The following TNRC6B variants were observed in gnomAD, a reference collection of about 807,000 sequenced individuals.
TNRC6B encodes the protein trinucleotide repeat containing adaptor 6B, also known as trinucleotide repeat-containing gene 6B protein.
TNRC6B carries 52 observed loss-of-function variants against 203.6 expected under a neutral mutation model. That is an observed-to-expected ratio of 0.26 (90% CI 0.20 to 0.32). The LOEUF is 0.32. Ranked by LOEUF, TNRC6B falls within the 10% of genes least tolerant of loss-of-function variation. TNRC6B has a pLI of 1.00. For synonymous variants in TNRC6B, 838 were observed against 845.7 expected (o/e 0.99, Z 0.16); for missense variants, 1,923 against 2,286.2 (o/e 0.84, Z 3.24).
intron 3 of TNRC6B, among the ~76,000 whole-genome samples, chr22:40,152,345 TG>T (rs2068765716): frequency 6.6e-6 from 1 of 152,210 alleles, no homozygotes; most frequent in Non-Finnish European, 1.5e-5. Context: ...TTTTTGTTTT[TG>T]TGATGGAGTC....
chr22:40,296,490 C>T (rs1057124256), intron 12 of TNRC6B, among the ~76,000 whole-genome samples: 1 of 151,976 alleles, frequency 6.6e-6, no homozygotes. Context: ...CGCCATCACT[C>T]CCGGCTAATT....
At chr22:40,215,823 C>T (rs1001004675) in intron 1 of TNRC6B, among the ~76,000 whole-genome samples, 1 of 152,174 alleles carries the variant, frequency 6.6e-6, no homozygotes, top group Non-Finnish European at 1.5e-5. Flanking sequence ...ATGTGGACCT[C>T]GACTAATACC....
chr22:40,316,003 C>G lies in TNRC6B; in HGVS notation c.4965C>G (p.Leu1655=). The change falls in exon 21 of 23, where the codon CTC becomes CTG. Residue 1655 remains leucine, a synonymous_variant. Transcript: ENST00000454349. Reference sequence around the variant, plus strand: ...GTTACTGGCTGGTTCTTCACAATCTCACCCCACAGGTAATTATGCTTTCTC... The same window carrying G: ...GTTACTGGCTGGTTCTTCACAATCTGACCCCACAGGTAATTATGCTTTCTC... ...RPSYWLVLHN[L]TPQIDGSTLR... The G allele has an allele frequency of 1.2e-6, 2 of 1,613,628 alleles. No homozygotes were observed. The highest frequency in any genetic ancestry group is 1.7e-6 in the Non-Finnish European group (2 of 1,179,636).
intron 1 of TNRC6B, among the ~76,000 whole-genome samples, chr22:40,211,924 C>T (rs1470952176): frequency 1.3e-5 from 2 of 152,320 alleles, no homozygotes; most frequent in Non-Finnish European, 2.9e-5. Context: ...TTCCTAACTC[C>T]TCTTTCCTTT....
intron 1 of TNRC6B, among the ~76,000 whole-genome samples, chr22:40,077,217 G>A (rs1363674166): frequency 6.6e-6 from 1 of 151,918 alleles, no homozygotes; most frequent in Admixed American, 6.6e-5. Flanking sequence ...TGATTATTTC[G>A]CTCACGGTAG....
At chr22:40,300,820 C>G in intron 13 of TNRC6B, 90 bp from the exon 14 acceptor site, 2 of 1,317,582 alleles carry the variant, frequency 1.5e-6, no homozygotes, top group African/African-American at 1.5e-5. Flanking sequence ...GATTGTGTGA[C>G]CTGTACTTCA....
chr22:40,235,638 A>G (rs919844452), intron 1 of TNRC6B, among the ~76,000 whole-genome samples: 1 of 152,212 alleles, frequency 6.6e-6, no homozygotes, highest in Non-Finnish European at 1.5e-5. Context: ...CTCAGTGACT[A>G]GTACACCACT....
chr22:40,301,580 T>C (rs1050593721), intron 15 of TNRC6B: 630 of 492,568 alleles, frequency 1.3e-3, no homozygotes, highest in South Asian at 2.1e-3. Flanking sequence ...CAGTCTTCCT[T>C]TTTTTTGTGT....
intron 1 of TNRC6B, among the ~76,000 whole-genome samples, chr22:40,218,832 G>T (rs544935072): frequency 6.6e-6 from 1 of 152,290 alleles, no homozygotes; most frequent in Admixed American, 6.5e-5. Flanking sequence ...AGAGGAGATG[G>T]GGATAAAAGT....
chr22:40,189,741 G>T (rs2069248591), intron 1 of TNRC6B, among the ~76,000 whole-genome samples: 1 of 152,104 alleles, frequency 6.6e-6, no homozygotes, highest in South Asian at 2.1e-4. Flanking sequence ...CTGGAATTGA[G>T]TGTTTCCCAG....
intron 4 of TNRC6B, chr22:40,156,277 C>T (rs1040041430): frequency 1.4e-5 from 18 of 1,261,480 alleles, no homozygotes; most frequent in Non-Finnish European, 1.9e-5. Flanking sequence ...GAGATGTATA[C>T]GTTGGAGACA....
At chr22:40,161,887 C>T (rs531366903) in intron 4 of TNRC6B, among the ~76,000 whole-genome samples, 11 of 152,226 alleles carry the variant, frequency 7.2e-5, no homozygotes, top group Admixed American at 1.3e-4. Flanking sequence ...AATTGCATGA[C>T]GTGTTTACTG....
chr22:40,235,071 C>T (rs550294088), intron 1 of TNRC6B, among the ~76,000 whole-genome samples: 5 of 152,160 alleles, frequency 3.3e-5, no homozygotes, highest in South Asian at 2.1e-4. Context: ...CCCAAATTTG[C>T]GTGTGGTGTC....
rs370861270 is a variant in TNRC6B at position 40,179,950 on chromosome 22, TTGTTA to T, written c.5+1816_5+1820del. ...ATTTTATTATTTTAAAAAATTAATG[TTGTTA>T]TGTTAGTAATGGTAATAAATACAGA... On this transcript the variant is annotated intron_variant, in intron 1 of 22. Coordinates refer to ENST00000454349, the MANE Select transcript of TNRC6B (RefSeq NM_001162501.2). Among the ~76,000 whole-genome samples, 689 of 152,332 alleles carry T rather than the reference TTGTTA, an allele frequency of 4.5e-3. 6 individuals are homozygous for T. The highest frequency in any genetic ancestry group is 0.015 in the African/African-American group (628 of 41,568).
Position 40,057,686 on chromosome 22 carries a change from G to A in TNRC6B, c.-121+12688G>A, listed in dbSNP as rs527263301. 1.4e-4 allele frequency among the ~76,000 whole-genome samples: 22 copies of A among 152,202 alleles called. 1 individual carries two copies. The South Asian group carries it at 4.6e-3, about 32-fold the overall frequency. ...GGAAGTGGACCAGGCTTTCTAACCT[G>A]GAGACCCCCTGGTCAGCATATCAAG... On this transcript the variant is annotated intron_variant, in intron 1 of 23. Transcript: ENST00000301923.
At chr22:40,164,839 A>G (rs2068904940) in intron 4 of TNRC6B, among the ~76,000 whole-genome samples, 1 of 145,212 alleles carries the variant, frequency 6.9e-6, no homozygotes, top group Non-Finnish European at 1.5e-5. Flanking sequence ...GTGCAGTGAC[A>G]CGATCTTGGC....
intron 3 of TNRC6B, among the ~76,000 whole-genome samples, chr22:40,144,592 G>A (rs1385224158): frequency 2.0e-5 from 3 of 150,956 alleles, no homozygotes; most frequent in East Asian, 3.9e-4. Context: ...GGAGAATGGC[G>A]TGAACCGAGG....
At chr22:40,060,639 A>G (rs1182610391) in intron 1 of TNRC6B, among the ~76,000 whole-genome samples, 2 of 152,220 alleles carry the variant, frequency 1.3e-5, no homozygotes, top group Non-Finnish European at 2.9e-5. Flanking sequence ...CATACTCATG[A>G]CTAAGATTTA....
chr22:40,175,795 T>A (rs950914336), upstream of TNRC6B, among the ~76,000 whole-genome samples: 1 of 152,348 alleles, frequency 6.6e-6, no homozygotes, highest in East Asian at 1.9e-4. Context: ...GGAAGCTTGT[T>A]AAGCCACAGC....
Sources: allele counts gnomAD v4.1 joint callset (sites outside exome capture counted in the v4.1 genomes callset), GRCh38; gene constraint gnomAD v4.1.1; transcripts MANE v1.5; gene names NCBI Gene and HGNC (gene_info 2026-07-23, HGNC 2026-07-21).